The following SGCG variants were observed in gnomAD, a reference collection of about 807,000 sequenced individuals.
The protein encoded by SGCG is sarcoglycan gamma.
SGCG carries 26 observed loss-of-function variants against 29.3 expected under a neutral mutation model. The ratio of observed to expected loss-of-function variants is 0.89; its 90% confidence interval spans 0.65 to 1.23. The LOEUF (loss-of-function observed/expected upper bound fraction) is 1.23, where lower values mean the gene tolerates loss of function less well. Ranked by LOEUF, SGCG falls within the 50% of genes most tolerant of loss-of-function variation. The pLI is 0.00. For missense variants in SGCG, 353 were observed against 356.0 expected (o/e 0.99, Z 0.07); for synonymous variants, 145 against 129.7 (o/e 1.12, Z -0.80).
At chr13:23,264,476 T>C (rs747695643) in intron 4 of SGCG, among the ~76,000 whole-genome samples, 13 of 152,140 alleles carry the variant, frequency 8.5e-5, no homozygotes, top group Non-Finnish European at 1.6e-4. Context: ...ATTAGAAGAA[T>C]CAATATTGCA....
chr13:23,180,543 A>T (rs1326957662), upstream of SGCG, among the ~76,000 whole-genome samples: 1 of 152,204 alleles, frequency 6.6e-6, no homozygotes, highest in Non-Finnish European at 1.5e-5. Context: ...TGAGACTAGT[A>T]TATAGGTAAT....
At chr13:23,305,477 A>C (rs1882327265) in intron 6 of SGCG, among the ~76,000 whole-genome samples, 1 of 152,212 alleles carries the variant, frequency 6.6e-6, no homozygotes, top group Admixed American at 6.5e-5. Flanking sequence ...AAATAGGTAT[A>C]GTTTTACACC....
the SGCG span, among the ~76,000 whole-genome samples, chr13:23,160,525 C>G: frequency 9.2e-3 from 1,397 of 152,256 alleles, 11 homozygotes; most frequent in African/African-American, 0.031. Flanking sequence ...TCGCTGCGGT[C>G]GCTGAGGAAG....
intron 3 of SGCG, among the ~76,000 whole-genome samples, chr13:23,240,275 A>G (rs1401964588): frequency 6.6e-6 from 1 of 152,224 alleles, no homozygotes; most frequent in East Asian, 1.9e-4. Context: ...TTCAATATTT[A>G]TGGTTCTAAA....
At chr13:23,249,301 C>A (rs768727055) in intron 3 of SGCG, among the ~76,000 whole-genome samples, 10 of 152,172 alleles carry the variant, frequency 6.6e-5, no homozygotes, top group Non-Finnish European at 1.0e-4. Context: ...GGATATTAGT[C>A]TGGAGTCACA....
At chr13:23,299,959 G>A (rs1395392748) in intron 6 of SGCG, among the ~76,000 whole-genome samples, 1 of 152,152 alleles carries the variant, frequency 6.6e-6, no homozygotes, top group Non-Finnish European at 1.5e-5. Flanking sequence ...AAAGAAACTT[G>A]CAAACAAGTT....
intron 5 of SGCG, among the ~76,000 whole-genome samples, chr13:23,292,952 A>G (rs528199397): frequency 1.3e-5 from 2 of 152,326 alleles, no homozygotes; most frequent in East Asian, 3.9e-4. Context: ...GCAAGGAGGA[A>G]AGAAAAGGAT....
intron 6 of SGCG, among the ~76,000 whole-genome samples, chr13:23,307,203 A>G (rs1882392702): frequency 6.6e-6 from 1 of 152,176 alleles, no homozygotes; most frequent in Non-Finnish European, 1.5e-5. Context: ...TGCAGTAATT[A>G]AAAGTCTGAG....
intron 3 of SGCG, chr13:23,243,807 TTATAAAATACAGGATAAAA>T (rs1879598723): frequency 6.6e-6 from 1 of 152,192 alleles, no homozygotes; most frequent in African/African-American, 2.4e-5. Flanking sequence ...GGTGCCTACT[TTATAAAATACAGGATAAAA>T]TGAAAGGATC....
At chr13:23,299,316 TC>T (rs764475889) in intron 6 of SGCG, among the ~76,000 whole-genome samples, 2 of 149,920 alleles carry the variant, frequency 1.3e-5, no homozygotes, top group Non-Finnish European at 3.0e-5. Flanking sequence ...CTTCTTGCCA[TC>T]AACTATGTTC....
intron 1 of SGCG, among the ~76,000 whole-genome samples, chr13:23,189,259 C>A (rs930278497): frequency 1.3e-5 from 2 of 152,188 alleles, no homozygotes; most frequent in African/African-American, 4.8e-5. Flanking sequence ...TCACTGCAAC[C>A]TCCGCCTCCT....
At chr13:23,221,081 C>T (rs1421864923) in intron 2 of SGCG, among the ~76,000 whole-genome samples, 2 of 152,146 alleles carry the variant, frequency 1.3e-5, no homozygotes, top group South Asian at 2.1e-4. Context: ...TGCATGCAAT[C>T]ATTATTCCTT....
intron 2 of SGCG, among the ~76,000 whole-genome samples, chr13:23,212,964 T>C (rs533982969): frequency 7.9e-5 from 12 of 152,236 alleles, no homozygotes; most frequent in African/African-American, 2.9e-4. Flanking sequence ...ACAGTGTTGA[T>C]GTGATATAGA....
At chr13:23,281,235 G>A (rs961133886) in intron 5 of SGCG, among the ~76,000 whole-genome samples, 5 of 152,054 alleles carry the variant, frequency 3.3e-5, no homozygotes, top group Non-Finnish European at 7.3e-5. Context: ...AGCTACTTGG[G>A]AGGCTGAGGT....
intron 2 of SGCG, among the ~76,000 whole-genome samples, chr13:23,219,936 C>T (rs1322305060): frequency 2.7e-5 from 4 of 149,502 alleles, no homozygotes; most frequent in African/African-American, 7.4e-5. Flanking sequence ...TCTGGGTTCA[C>T]GCCATTCTCC....
chr13:23,190,212 T>C (rs1348658160), intron 1 of SGCG, among the ~76,000 whole-genome samples: 2 of 152,114 alleles, frequency 1.3e-5, no homozygotes, highest in Non-Finnish European at 1.5e-5. Context: ...TAAATTGGTA[T>C]TTGAGAGTCT....
In SGCG at chr13:23,324,608, G is replaced by A; in HGVS notation, c.*67G>A. 1 of 1,427,048 alleles carries A rather than the reference G, an allele frequency of 7.0e-7. No individual in the cohort carries two copies. Among genetic ancestry groups the A allele is most frequent in the Non-Finnish European group, 9.8e-7 (1 of 1,023,964 alleles). The allele number at this position is 1,427,048 out of a possible 1,614,324, so 88.4% of individuals were successfully genotyped here. A position where few individuals can be genotyped will look rare whatever the true frequency, so the allele number is the denominator to read the frequency against. On this transcript the variant is annotated 3_prime_UTR_variant, in exon 8 of 8. Coordinates refer to ENST00000218867, the MANE Select transcript of SGCG (RefSeq NM_000231.3). ...AGATCCTCACACCCAGGGAGCAGCTGCACATCGTGAAAGACTGAGGCAGCG... is the reference window on the plus strand; with the variant it reads ...AGATCCTCACACCCAGGGAGCAGCTACACATCGTGAAAGACTGAGGCAGCG...
At chr13:23,189,078 C>T (rs1021680292) in intron 1 of SGCG, among the ~76,000 whole-genome samples, 10 of 152,178 alleles carry the variant, frequency 6.6e-5, no homozygotes, top group African/African-American at 2.2e-4. Context: ...AGATGACGGG[C>T]GGTCATCCCC....
intron 2 of SGCG, among the ~76,000 whole-genome samples, chr13:23,228,877 ATTTG>A (rs1879001278): frequency 6.6e-6 from 1 of 151,610 alleles, no homozygotes; most frequent in South Asian, 2.1e-4. Flanking sequence ...CTGTTTCTTT[ATTTG>A]TTTGTTTGAG....
Sources: allele counts gnomAD v4.1 joint callset (sites outside exome capture counted in the v4.1 genomes callset), GRCh38; gene constraint gnomAD v4.1.1; transcripts MANE v1.5; gene names NCBI Gene and HGNC (gene_info 2026-07-23, HGNC 2026-07-21).